PAWR: variants seen among roughly 807,000 people sequenced by gnomAD.
The protein encoded by PAWR is PRKC apoptosis WT1 regulator protein.
Under a neutral mutation model 32.0 loss-of-function variants are expected in PAWR, and 23 were observed. The ratio of observed to expected loss-of-function variants is 0.72; its 90% CI spans 0.52 to 1.02. The LOEUF is 1.02. Ranked by LOEUF, PAWR falls within the 50% of genes least tolerant of loss-of-function variation. The pLI is 0.00. For missense variants in PAWR, 457 were observed against 437.7 expected, an observed-to-expected ratio of 1.04 and a Z score of -0.39; for synonymous variants, 226 against 187.1, an observed-to-expected ratio of 1.21 and a Z score of -1.70.
At chr12:79,683,672 T>C (rs1239643687) in intron 2 of PAWR, among the ~76,000 whole-genome samples, 1 of 151,808 alleles carries the variant, frequency 6.6e-6, no homozygotes, top group Non-Finnish European at 1.5e-5. Context: ...TTTGCAGATC[T>C]CCATGAAAGA....
intron 2 of PAWR, among the ~76,000 whole-genome samples, chr12:79,664,140 A>C (rs1312303683): frequency 6.6e-6 from 1 of 152,226 alleles, no homozygotes; most frequent in Non-Finnish European, 1.5e-5. Flanking sequence ...TTCATAAAGG[A>C]TTATTTTCTT....
In PAWR at chr12:79,590,041, T is replaced by G. The variant is rs764950750; in HGVS notation, c.*2566A>C. The G allele has an allele frequency of 6.6e-6, 1 of 152,086 alleles. No individual in the cohort carries two copies. Among genetic ancestry groups the G allele is most frequent in the Non-Finnish European group, 1.5e-5 (1 of 68,026 alleles). The allele number at this position is 152,086 out of a possible 1,614,324, so 9.4% of individuals were successfully genotyped here. On this transcript the variant is annotated 3_prime_UTR_variant, in exon 7 of 7. Transcript: ENST00000328827. ...TGTAAAATTCTGTATGTAAAATAAG[T>G]ACATATTTTGAGATGGAAGAAGGAC...
rs1044932516 is a variant in PAWR at position 79,690,910 on chromosome 12, A to T, written c.-186T>A. On this transcript the variant is annotated 5_prime_UTR_variant, in exon 1 of 7. Transcript: ENST00000328827. ...GTAGGGGACGAGGCGTAGGGCTGGG[A>T]TCCGGCTCCCAGGTGTGCCGAAGCT... The T allele has an allele frequency of 6.6e-6, 1 of 152,126 alleles. No homozygotes were observed. Among genetic ancestry groups the T allele is most frequent in the Admixed American group, 6.5e-5 (1 of 15,272 alleles). 9.4% of individuals were successfully genotyped at this position (152,126 alleles called of 1,614,324 possible).
At chr12:79,688,808 G>T (rs1878815695) in intron 2 of PAWR, among the ~76,000 whole-genome samples, 1 of 152,162 alleles carries the variant, frequency 6.6e-6, no homozygotes, top group Admixed American at 6.5e-5. Flanking sequence ...AGAAAAAGAT[G>T]CAACTATTTT....
chr12:79,687,039 A>C (rs775570023), intron 2 of PAWR, among the ~76,000 whole-genome samples: 102 of 152,374 alleles, frequency 6.7e-4, no homozygotes, highest in Middle Eastern at 6.8e-3. Context: ...ACTGGCAAGA[A>C]GTATGCCACG....
At position 79,585,668 on chromosome 12, in the gene PAWR, G is replaced by A. The variant is rs1050015879; in HGVS notation, c.*6939C>T. 6.6e-6 allele frequency: 1 copy of A among 152,268 alleles called. No homozygotes were observed. The highest frequency in any genetic ancestry group is 2.4e-5 in the African/African-American group (1 of 41,430). The allele number at this position is 152,268 out of a possible 1,614,324, so 9.4% of individuals were successfully genotyped here. On this transcript the variant is annotated 3_prime_UTR_variant, in exon 7 of 7. Coordinates refer to ENST00000328827, the MANE Select transcript of PAWR (RefSeq NM_002583.4). Reference sequence around the variant, plus strand: ...TATCATAAGTTATGGTTAAAGTTATGCTCAAATTGTTACCTGAGATGCTTT... The same window carrying A: ...TATCATAAGTTATGGTTAAAGTTATACTCAAATTGTTACCTGAGATGCTTT...
chr12:79,687,482 G>A (rs1226373615), intron 2 of PAWR, among the ~76,000 whole-genome samples: 1 of 152,156 alleles, frequency 6.6e-6, no homozygotes, highest in Non-Finnish European at 1.5e-5. Context: ...TACAGACTTG[G>A]TTGGGAATCA....
intron 3 of PAWR, 40 bp from the exon 4 acceptor site, chr12:79,613,649 A>G: frequency 1.8e-6 from 2 of 1,101,482 alleles, no homozygotes; most frequent in Non-Finnish European, 2.7e-6. Flanking sequence ...TTGAGTATGT[A>G]TGTACACAAT....
intron 2 of PAWR, among the ~76,000 whole-genome samples, chr12:79,668,584 T>C (rs1242091384): frequency 6.6e-6 from 1 of 152,122 alleles, no homozygotes; most frequent in South Asian, 2.1e-4. Flanking sequence ...CATCAGACAT[T>C]GGTTAGATTC....
chr12:79,681,695 CTTT>C (rs201988287), intron 2 of PAWR, among the ~76,000 whole-genome samples: 2 of 151,720 alleles, frequency 1.3e-5, no homozygotes, highest in African/African-American at 4.8e-5. Context: ...AACACACTGC[CTTT>C]TTTTTAACAC....
At chr12:79,625,811 C>T (rs924718559) in intron 2 of PAWR, among the ~76,000 whole-genome samples, 2 of 150,508 alleles carry the variant, frequency 1.3e-5, no homozygotes, top group African/African-American at 4.9e-5. Context: ...CAGAGTGAGA[C>T]TCTGTCTCAA....
At chr12:79,636,810 A>C (rs1318330641) in intron 2 of PAWR, among the ~76,000 whole-genome samples, 1 of 152,166 alleles carries the variant, frequency 6.6e-6, no homozygotes, top group Non-Finnish European at 1.5e-5. Context: ...GAATCCTTAA[A>C]AAAATTTTAT....
chr12:79,639,288 A>G (rs1057456301), intron 2 of PAWR, among the ~76,000 whole-genome samples: 5 of 152,138 alleles, frequency 3.3e-5, no homozygotes, highest in Non-Finnish European at 5.9e-5. Flanking sequence ...TAAGTTAATA[A>G]TATCTAGTAA....
rs147007158 is a variant in PAWR at position 79,656,135 on chromosome 12, C to T, written c.516+33594G>A. Among the ~76,000 whole-genome samples the T allele has an allele frequency of 4.6e-5, 7 of 152,238 alleles. No individual in the cohort carries two copies. In the East Asian group the frequency reaches 1.2e-3, roughly 25 times the overall value. ...AGAATATTTGAGAGGTGAGACAGAA[C>T]GGGCAGAGGGAGCAAAGACGAAAAC... On this transcript the variant is annotated intron_variant, in intron 2 of 6. Coordinates refer to ENST00000328827, the MANE Select transcript of PAWR (RefSeq NM_002583.4).
At chr12:79,637,136 G>A (rs539658086) in intron 2 of PAWR, among the ~76,000 whole-genome samples, 2 of 152,214 alleles carry the variant, frequency 1.3e-5, no homozygotes, top group South Asian at 2.1e-4. Context: ...AATCAGGTAA[G>A]CAATCTTTGC....
rs573144400 is a variant in PAWR, at chr12:79,685,452, T to C, written c.516+4277A>G. 5.3e-5 allele frequency among the ~76,000 whole-genome samples: 8 copies of C among 152,354 alleles called. No individual in the cohort carries two copies. The East Asian group carries it at 1.2e-3, about 22-fold the overall frequency. On this transcript the variant is annotated intron_variant, in intron 2 of 6. Coordinates refer to ENST00000328827, the MANE Select transcript of PAWR (RefSeq NM_002583.4). ...GTTCAATAAACATACTAAATAATTA[T>C]GACCTAACCTGTGTTCACTTAAAAG...
intron 2 of PAWR, among the ~76,000 whole-genome samples, chr12:79,630,306 T>C (rs1394695821): frequency 7.7e-6 from 1 of 129,986 alleles, no homozygotes; most frequent in Non-Finnish European, 1.5e-5. Context: ...CACTAATATA[T>C]ATATATATAT....
At chr12:79,621,768 G>A (rs989931218) in intron 2 of PAWR, among the ~76,000 whole-genome samples, 1 of 151,968 alleles carries the variant, frequency 6.6e-6, no homozygotes, top group Non-Finnish European at 1.5e-5. Context: ...TAAAAAAAGA[G>A]AATTACACAT....
At position 79,689,791 on chromosome 12, in the gene PAWR, C is replaced by T; in HGVS notation, c.454G>A (p.Glu152Lys). ...PSARKGKGQI[E>K]KRKLREKRRS... ...CGCTTCTCCCGCAGCTTCCTCTTCT[C>T]GATCTGCCCCTTGCCTTTCCTGGCA... The change falls in exon 2 of 7, where the codon GAG becomes AAG. Residue 152 changes from glutamate to lysine, a missense_variant. Transcript: ENST00000328827. The T allele has an allele frequency of 1.3e-6, 2 of 1,594,856 alleles. No homozygotes were observed. The highest frequency in any genetic ancestry group is 1.7e-5 in the Admixed American group (1 of 58,058).
Sources: allele counts gnomAD v4.1 joint callset (sites outside exome capture counted in the v4.1 genomes callset), GRCh38; gene constraint gnomAD v4.1.1; transcripts MANE v1.5; gene names NCBI Gene and HGNC (gene_info 2026-07-23, HGNC 2026-07-21).